SGIP1: variants seen among roughly 807,000 people sequenced by gnomAD.
The protein encoded by SGIP1 is SH3-containing GRB2-like protein 3-interacting protein 1.
Under a neutral mutation model 107.5 loss-of-function variants are expected in SGIP1, and 38 were observed. That is an observed-to-expected ratio of 0.35 (90% CI 0.27 to 0.46). SGIP1 has a LOEUF of 0.46. SGIP1 is among the 20% of genes least tolerant of loss of function. The pLI is 1.00. For synonymous variants in SGIP1, 365 were observed against 366.1 expected, an observed-to-expected ratio of 1.00 and a Z score of 0.03; for missense variants, 929 against 1,019.5, an observed-to-expected ratio of 0.91 and a Z score of 1.21.
intron 18 of SGIP1, among the ~76,000 whole-genome samples, chr1:66,708,110 T>C (rs1183200754): frequency 1.3e-5 from 2 of 152,122 alleles, no homozygotes; most frequent in Non-Finnish European, 2.9e-5. Flanking sequence ...AAGAATACAA[T>C]GGAAGTTAGA....
Position 66,645,425 on chromosome 1 carries a change from G to A in SGIP1, c.459+1706G>A, listed in dbSNP as rs555964408. On this transcript the variant is annotated intron_variant, in intron 7 of 24. Transcript: ENST00000371037. ...GCTCTTCTCAACATCTATTTTTAAG[G>A]AAATATATTGACATGATGTGGTTAA... Among the ~76,000 whole-genome samples, 5 of 152,238 alleles carry A rather than the reference G, an allele frequency of 3.3e-5. No individual in the cohort carries two copies. In the South Asian group the frequency reaches 1.0e-3, roughly 32 times the overall value.
chr1:66,578,970 C>CAT (rs1450694088), intron 1 of SGIP1, among the ~76,000 whole-genome samples: 12 of 152,162 alleles, frequency 7.9e-5, no homozygotes, highest in African/African-American at 2.9e-4. Flanking sequence ...CAAATATCTA[C>CAT]AACAGCAAGT....
At chr1:66,557,865 G>A (rs2058405853) in intron 1 of SGIP1, among the ~76,000 whole-genome samples, 1 of 152,090 alleles carries the variant, frequency 6.6e-6, no homozygotes, top group Non-Finnish European at 1.5e-5. Context: ...ACACTTTGTG[G>A]ATTTGTGATT....
chr1:66,656,592 C>G (rs971981901), intron 7 of SGIP1, among the ~76,000 whole-genome samples: 1 of 152,142 alleles, frequency 6.6e-6, no homozygotes, highest in Non-Finnish European at 1.5e-5. Context: ...TATACGCAGT[C>G]CATCGTTGAC....
intron 1 of SGIP1, among the ~76,000 whole-genome samples, chr1:66,595,682 G>C (rs1228508702): frequency 6.6e-6 from 1 of 152,078 alleles, no homozygotes; most frequent in African/African-American, 2.4e-5. Context: ...TGTGCATTAA[G>C]AGTGATTAAT....
intron 7 of SGIP1, among the ~76,000 whole-genome samples, chr1:66,646,763 G>A (rs1168239519): frequency 6.6e-6 from 1 of 152,120 alleles, no homozygotes; most frequent in Non-Finnish European, 1.5e-5. Context: ...TTAATTGCTG[G>A]CAACAATCCT....
Position 66,682,224 on chromosome 1 carries a change from A to G in SGIP1, c.1170A>G (p.Lys390=), listed in dbSNP as rs1377261951. Residue 390 remains lysine, a synonymous_variant, in exon 15 of 25, where the codon AAA becomes AAG. Coordinates refer to ENST00000371037, the MANE Select transcript of SGIP1 (RefSeq NM_032291.4). ...AAGTCGCTGAGCAGACCTTCATTAA[A>G]GATGATTACTTAGAAACAATCTCAT... The part of the protein sequence containing the change: ...QKKVAEQTFI[K]DDYLETISSP... The G allele has an allele frequency of 6.2e-7, 1 of 1,614,262 alleles. No individual in the cohort carries two copies. The highest frequency in any genetic ancestry group is 2.2e-5 in the East Asian group (1 of 44,886).
At chr1:66,639,933 T>A in intron 5 of SGIP1, 100 bp downstream of exon 5, 1 of 903,662 alleles carries the variant, frequency 1.1e-6, no homozygotes, top group East Asian at 2.6e-5. Flanking sequence ...CGAAATGCTC[T>A]CCATGTCATT....
At chr1:66,615,262 G>C (rs923190945) in intron 1 of SGIP1, among the ~76,000 whole-genome samples, 1 of 152,110 alleles carries the variant, frequency 6.6e-6, no homozygotes, top group Non-Finnish European at 1.5e-5. Context: ...AGCATCCTGA[G>C]TAGCTGGGAT....
intron 1 of SGIP1, among the ~76,000 whole-genome samples, chr1:66,584,141 A>G (rs2062207288): frequency 6.6e-6 from 1 of 152,088 alleles, no homozygotes; most frequent in African/African-American, 2.4e-5. Flanking sequence ...TCTACTTCCA[A>G]TTAGACTATA....
intron 1 of SGIP1, among the ~76,000 whole-genome samples, chr1:66,603,751 A>T (rs548538468): frequency 6.6e-6 from 1 of 152,334 alleles, no homozygotes; most frequent in African/African-American, 2.4e-5. Flanking sequence ...TGTGGTTAAG[A>T]TTATTATCTT....
intron 1 of SGIP1, among the ~76,000 whole-genome samples, chr1:66,611,423 T>A (rs1321234599): frequency 6.6e-6 from 1 of 152,244 alleles, no homozygotes; most frequent in Non-Finnish European, 1.5e-5. Context: ...AAGCTTCTCT[T>A]CTGTGTAGTG....
intron 3 of SGIP1, 77 bp from the exon 4 acceptor site, chr1:66,635,867 G>A: frequency 6.9e-7 from 1 of 1,440,138 alleles, no homozygotes; most frequent in Non-Finnish European, 9.7e-7. Flanking sequence ...CTGACTCCAT[G>A]TAATTCTTTA....
At chr1:66,612,859 TATATTTAC>T (rs1239361613) in intron 1 of SGIP1, among the ~76,000 whole-genome samples, 3 of 152,238 alleles carry the variant, frequency 2.0e-5, no homozygotes, top group African/African-American at 7.2e-5. Context: ...TCAACATTGG[TATATTTAC>T]ATATTGTAGC....
intron 1 of SGIP1, among the ~76,000 whole-genome samples, chr1:66,560,896 A>T (rs1349572234): frequency 6.6e-6 from 1 of 152,028 alleles, no homozygotes; most frequent in Non-Finnish European, 1.5e-5. Flanking sequence ...GGCCTTTGTG[A>T]ATGTTAAGCG....
intron 1 of SGIP1, among the ~76,000 whole-genome samples, chr1:66,603,084 G>A (rs1241228949): frequency 6.6e-6 from 1 of 152,196 alleles, no homozygotes; most frequent in Non-Finnish European, 1.5e-5. Flanking sequence ...AGTAGGTGAA[G>A]CCTAAATGAA....
intron 15 of SGIP1, among the ~76,000 whole-genome samples, chr1:66,688,938 A>G (rs186336394): frequency 1.3e-5 from 2 of 152,186 alleles, no homozygotes; most frequent in Admixed American, 1.3e-4. Context: ...ACAAAAGGCA[A>G]TGAGCTTCTA....
intron 21 of SGIP1, among the ~76,000 whole-genome samples, chr1:66,735,238 T>C (rs2094181721): frequency 6.6e-6 from 1 of 152,006 alleles, no homozygotes; most frequent in Non-Finnish European, 1.5e-5. Flanking sequence ...TTTTTTGAGA[T>C]GAAGTCTCCC....
intron 3 of SGIP1, among the ~76,000 whole-genome samples, chr1:66,634,611 C>T (rs559949879): frequency 6.6e-6 from 1 of 152,308 alleles, no homozygotes; most frequent in African/African-American, 2.4e-5. Context: ...TCTTTATTAG[C>T]AGTTGTGCCC....
Sources: gnomAD v4.1 joint callset for allele counts (sites outside exome capture counted in the v4.1 genomes callset) on GRCh38, gnomAD v4.1.1 for gene constraint, MANE v1.5 for transcripts, NCBI Gene and HGNC (gene_info 2026-07-23, HGNC 2026-07-21) for gene names.